Variants in CAPG observed in about 807,000 individuals in gnomAD.
CAPG encodes capping actin protein, gelsolin like.
Under a neutral mutation model 44.6 loss-of-function variants are expected in CAPG, and 32 were observed. That is an observed-to-expected ratio of 0.72 (90% CI 0.54 to 0.96). The LOEUF (loss-of-function observed/expected upper bound fraction) is 0.96, where lower values mean the gene tolerates loss of function less well. Among genes scored for constraint, CAPG ranks in the 50% least tolerant of loss-of-function variants. CAPG has a pLI of 0.00. For missense variants in CAPG, 412 were observed against 438.3 expected (o/e 0.94, Z 0.54); for synonymous variants, 175 against 179.6 (o/e 0.97, Z 0.20).
chr2:85,413,457 A>G (rs960503101), upstream of CAPG, among the ~76,000 whole-genome samples: 1 of 152,104 alleles, frequency 6.6e-6, no homozygotes, highest in African/African-American at 2.4e-5. Context: ...GCGGGCGCCT[A>G]TAATCTCAGC....
chr2:85,412,435 C>A (rs1172946755), upstream of CAPG, among the ~76,000 whole-genome samples: 1 of 152,062 alleles, frequency 6.6e-6, no homozygotes, highest in Non-Finnish European at 1.5e-5. Flanking sequence ...ATCGCTTGAA[C>A]CCGGGAGGCA....
In CAPG at chr2:85,395,098, C is replaced by T; in HGVS notation, c.982-140G>A. On this transcript the variant is annotated intron_variant, in intron 9 of 9. Transcript: ENST00000263867. The surrounding 1 kb of genome is among the most constrained non-coding windows in gnomAD (Gnocchi z 4.3). ...CCATGTGCAGTCCAGGCTGGGAAAG[C>T]TCCCCTGGATGAGCCATGAGATGAG... is the stretch of plus-strand genomic sequence containing the variant. 1.5e-6 allele frequency: 1 copy of T among 680,538 alleles called. No individual in the cohort carries two copies. Among genetic ancestry groups the T allele is most frequent in the East Asian group, 2.7e-5 (1 of 36,992 alleles). The allele number at this position is 680,538 out of a possible 1,614,324, so 42.2% of individuals were successfully genotyped here. A position where few individuals can be genotyped will look rare whatever the true frequency, so the allele number is the denominator to read the frequency against.
intron 8 of CAPG, among the ~76,000 whole-genome samples, chr2:85,397,043 T>A (rs1181463591): frequency 2.6e-5 from 4 of 152,154 alleles, no homozygotes. Flanking sequence ...CCCAACAGTG[T>A]TTCTATTTCC....
upstream of CAPG, chr2:85,419,153 C>G (rs75817601): frequency 0.024 from 3,724 of 152,544 alleles, 71 homozygotes; most frequent in African/African-American, 0.054. Flanking sequence ...TCCTCCAGGT[C>G]AGGGATGTAG....
upstream of CAPG, chr2:85,419,144 C>T (rs1687655918): frequency 6.6e-6 from 1 of 152,446 alleles, no homozygotes. Context: ...AGGCCTGGGT[C>T]CTCCAGGTCA....
chr2:85,392,249 G>A (rs959104453), downstream of CAPG, among the ~76,000 whole-genome samples: 8 of 152,194 alleles, frequency 5.3e-5, no homozygotes, highest in Non-Finnish European at 1.0e-4. Flanking sequence ...AATTAGCCGG[G>A]CGTGGTGGCG....
intron 1 of CAPG, among the ~76,000 whole-genome samples, chr2:85,404,035 T>C (rs1284819590): frequency 6.6e-6 from 1 of 151,896 alleles, no homozygotes; most frequent in Non-Finnish European, 1.5e-5. Flanking sequence ...TGATAGCTAA[T>C]AATAATGCAG....
chr2:85,414,404 A>C (rs1687504653), upstream of CAPG, among the ~76,000 whole-genome samples: 1 of 150,496 alleles, frequency 6.6e-6, no homozygotes, highest in Non-Finnish European at 1.5e-5. Flanking sequence ...AGAGTGTCAC[A>C]TTGCTAGTTC....
chr2:85,410,779 T>C (rs1687382584), upstream of CAPG, among the ~76,000 whole-genome samples: 1 of 152,152 alleles, frequency 6.6e-6, no homozygotes, highest in African/African-American at 2.4e-5. Context: ...TTCACATTAC[T>C]TTTTCCTCCT....
chr2:85,408,114 G>A (rs1397021497), intron 1 of CAPG, among the ~76,000 whole-genome samples: 22 of 151,916 alleles, frequency 1.4e-4, no homozygotes, highest in Non-Finnish European at 2.6e-4. Flanking sequence ...AGGCTGAGGC[G>A]GGTGGATCAC....
upstream of CAPG, chr2:85,418,663 C>CGT (rs1687638226): frequency 6.7e-6 from 1 of 149,544 alleles, no homozygotes; most frequent in Non-Finnish European, 1.5e-5. Flanking sequence ...CGCGCGCGCG[C>CGT]GCCTTTTGGC....
rs1325239881 is a variant in CAPG at position 85,395,787 on chromosome 2, G to T, written c.893-161C>A. Among the ~76,000 whole-genome samples, 1 of 152,194 alleles carries T rather than the reference G, an allele frequency of 6.6e-6. No homozygotes were observed. The highest frequency in any genetic ancestry group is 1.5e-5 in the Non-Finnish European group (1 of 68,032). On this transcript the variant is annotated intron_variant, in intron 8 of 9. Coordinates refer to ENST00000263867, the MANE Select transcript of CAPG (RefSeq NM_001747.4). This position sits in a 1 kb window ranked among gnomAD's most constrained non-coding sequence, Gnocchi z 4.3. ...ATGCCGAGGGGCTCTTTGGAGATGT[G>T]GAGTCAGTCCCTTAAGAATTTTCCC...
intron 1 of CAPG, among the ~76,000 whole-genome samples, chr2:85,404,005 A>C (rs1687029649): frequency 6.6e-6 from 1 of 152,124 alleles, no homozygotes; most frequent in Non-Finnish European, 1.5e-5. Flanking sequence ...GGTTGGTTTA[A>C]TATCTGAAAA....
chr2:85,400,218 TTGAC>T (rs1349440132), intron 5 of CAPG, among the ~76,000 whole-genome samples: 2 of 152,310 alleles, frequency 1.3e-5, no homozygotes, highest in South Asian at 2.1e-4. Flanking sequence ...AAAATAAATA[TTGAC>T]TGACTGAGTG....
At chr2:85,413,875 TGTGGGAG>T (rs1370102081), upstream of CAPG, 1 of 152,148 alleles carries the variant, frequency 6.6e-6, no homozygotes, top group African/African-American at 2.4e-5. Context: ...GGACCCCGGC[TGTGGGAG>T]AAGAGGAGGG....
At chr2:85,410,856 GTTTTTT>G (rs1046877599), upstream of CAPG, among the ~76,000 whole-genome samples, 1 of 132,188 alleles carries the variant, frequency 7.6e-6, no homozygotes, top group African/African-American at 2.9e-5. Context: ...CAGTTTTTTG[GTTTTTT>G]TTGTTTTTTT....
chr2:85,397,431 C>T (rs116272850), intron 8 of CAPG, among the ~76,000 whole-genome samples: 7,520 of 152,190 alleles, frequency 0.049, 277 homozygotes, highest in Middle Eastern at 0.075. Flanking sequence ...GAGAAAATGG[C>T]GAGGCAGTGG....
Position 85,401,165 on chromosome 2 carries a change from C to G in CAPG, c.516G>C (p.Gln172His), listed in dbSNP as rs1686863120. Residue 172 changes from glutamine (Q) to histidine (H), a missense_variant and splice_region_variant, in exon 5 of 10, where the codon CAG (glutamine) becomes CAC (histidine). Gln to His is a conservative substitution (Grantham distance 24, BLOSUM62 0). Coordinates refer to ENST00000263867, the MANE Select transcript of CAPG (RefSeq NM_001747.4). ...TGCTCAGTCTGGCCAGCCTACCCAC[C>G]TGGCCCAGGTCCAGGATGAAGCAGT... ...TGDCFILDLG[Q>H]NIFAWCGGKS... The G allele has an allele frequency of 6.2e-7, 1 of 1,613,656 alleles. No homozygotes were observed.
chr2:85,409,687 A>C (rs902847208), intron 1 of CAPG: 1 of 152,100 alleles, frequency 6.6e-6, no homozygotes, highest in Non-Finnish European at 1.5e-5. Flanking sequence ...TGGGGATTCC[A>C]AATGGTTTTT....
Sources: allele counts gnomAD v4.1 joint callset (sites outside exome capture counted in the v4.1 genomes callset), GRCh38; gene constraint gnomAD v4.1.1; non-coding constraint Gnocchi (gnomAD v3.1); transcripts MANE v1.5; gene names NCBI Gene and HGNC (gene_info 2026-07-23, HGNC 2026-07-21).